The following SLC14A2 variants were observed in gnomAD, a reference collection of about 807,000 sequenced individuals.
SLC14A2 encodes the protein urea transporter 2.
In SLC14A2, 91 loss-of-function variants were observed where a neutral mutation model predicts 104.6. The observed-to-expected ratio is 0.87, with a 90% CI of 0.73 to 1.04. SLC14A2 has a LOEUF of 1.04. Ranked by LOEUF, SLC14A2 falls within the 50% of genes least tolerant of loss-of-function variation. The pLI, the probability that SLC14A2 is intolerant of heterozygous loss-of-function variation, is 0.00. For synonymous variants in SLC14A2, 476 were observed against 466.4 expected, an observed-to-expected ratio of 1.02 and a Z score of -0.27; for missense variants, 1,189 against 1,156.0, an observed-to-expected ratio of 1.03 and a Z score of -0.41.
chr18:45,390,959 A>G (rs1378667770), intron 1 of SLC14A2, among the ~76,000 whole-genome samples: 1 of 152,194 alleles, frequency 6.6e-6, no homozygotes. Flanking sequence ...TTTAAGTTTT[A>G]GGGTACATGT....
chr18:45,400,028 T>C (rs970638512), intron 1 of SLC14A2, among the ~76,000 whole-genome samples: 8 of 152,198 alleles, frequency 5.3e-5, no homozygotes, highest in Non-Finnish European at 8.8e-5. Flanking sequence ...CTGGCAATTG[T>C]TAAAGCATGG....
At chr18:45,199,756 G>C in the SLC14A2 span, among the ~76,000 whole-genome samples, 5 of 152,116 alleles carry the variant, frequency 3.3e-5, no homozygotes, top group Non-Finnish European at 7.3e-5. Context: ...TATATTAGCA[G>C]CTAAGCTGAA....
At chr18:45,556,277 G>C (rs2044132139) in intron 2 of SLC14A2, among the ~76,000 whole-genome samples, 1 of 152,130 alleles carries the variant, frequency 6.6e-6, no homozygotes, top group African/African-American at 2.4e-5. Context: ...AACACAACAT[G>C]CAGACCACAG....
At chr18:45,405,638 C>T (rs1037658292) in intron 1 of SLC14A2, among the ~76,000 whole-genome samples, 14 of 152,162 alleles carry the variant, frequency 9.2e-5, no homozygotes, top group South Asian at 6.2e-4. Context: ...TGTGGTGGCT[C>T]TTGCCTGTAA....
chr18:45,181,815 CTG>C, the SLC14A2 span, among the ~76,000 whole-genome samples: 1 of 152,056 alleles, frequency 6.6e-6, no homozygotes, highest in Non-Finnish European at 1.5e-5. Context: ...TTTAATATAT[CTG>C]TGCGACTCTT....
At chr18:45,357,237 ATTTT>A (rs56321113) in intron 1 of SLC14A2, among the ~76,000 whole-genome samples, 1 of 126,468 alleles carries the variant, frequency 7.9e-6, no homozygotes, top group African/African-American at 3.2e-5. Context: ...TTGGGACACA[ATTTT>A]TTTTTTTTTT....
At chr18:45,406,968 G>A (rs981869586) in intron 1 of SLC14A2, among the ~76,000 whole-genome samples, 5 of 152,078 alleles carry the variant, frequency 3.3e-5, no homozygotes, top group East Asian at 1.9e-4. Flanking sequence ...ATTCTTAAGG[G>A]CCCTGGGATT....
intron 1 of SLC14A2, among the ~76,000 whole-genome samples, chr18:45,302,969 A>G (rs1423440029): frequency 6.6e-6 from 1 of 152,170 alleles, no homozygotes; most frequent in Admixed American, 6.6e-5. Flanking sequence ...ACAGATGACA[A>G]AGCCAGGGTC....
intron 2 of SLC14A2, chr18:45,483,603 G>T (rs1393162284): frequency 6.6e-6 from 1 of 152,142 alleles, no homozygotes; most frequent in African/African-American, 2.4e-5. Context: ...TAGATGAACA[G>T]ATCTGACACT....
intron 2 of SLC14A2, among the ~76,000 whole-genome samples, chr18:45,537,759 C>G (rs1262211193): frequency 1.3e-5 from 2 of 152,148 alleles, no homozygotes; most frequent in Admixed American, 6.5e-5. Flanking sequence ...AAGCTGGTAG[C>G]AAGCATCCAG....
intron 1 of SLC14A2, among the ~76,000 whole-genome samples, chr18:45,393,383 A>G (rs1192046630): frequency 6.6e-6 from 1 of 152,162 alleles, no homozygotes; most frequent in Non-Finnish European, 1.5e-5. Context: ...CATTCCCTTG[A>G]TCAAAGCCTT....
chr18:45,590,431 G>A lies in SLC14A2; in HGVS notation c.-34-34200G>A, dbSNP rs533137669. Among the ~76,000 whole-genome samples, 92 of 152,244 alleles carry A rather than the reference G, an allele frequency of 6.0e-4. 1 individual carries two copies. Among genetic ancestry groups the A allele is most frequent in the Non-Finnish European group, 1.0e-3 (68 of 68,024 alleles). ...TTCCCACTGGACTATAATTCACATC[G>A]TAAAACTATTGCATGTTTATTTTCA... On this transcript the variant is annotated intron_variant, in intron 2 of 20. Coordinates refer to the SLC14A2 transcript ENST00000586448.
At chr18:45,407,177 C>A (rs1476842466) in intron 1 of SLC14A2, among the ~76,000 whole-genome samples, 1 of 152,148 alleles carries the variant, frequency 6.6e-6, no homozygotes, top group Non-Finnish European at 1.5e-5. Flanking sequence ...AGTGTATCCA[C>A]CTTCATCAAT....
chr18:45,254,535 T>A (rs1568122732), intron 1 of SLC14A2, among the ~76,000 whole-genome samples: 1 of 152,178 alleles, frequency 6.6e-6, no homozygotes, highest in Non-Finnish European at 1.5e-5. Context: ...TTGGTGAAGA[T>A]TTTTGCTTCC....
chr18:45,248,617 T>C (rs1306976854), intron 1 of SLC14A2, among the ~76,000 whole-genome samples: 1 of 152,196 alleles, frequency 6.6e-6, no homozygotes, highest in Non-Finnish European at 1.5e-5. Context: ...TCAGACTATT[T>C]TAATGGCATG....
At chr18:45,252,402 A>T (rs762294199) in intron 1 of SLC14A2, among the ~76,000 whole-genome samples, 9 of 152,228 alleles carry the variant, frequency 5.9e-5, no homozygotes, top group Non-Finnish European at 8.8e-5. Context: ...GGTGTCCCTC[A>T]GGGTTCCCCA....
At chr18:45,560,037 G>A (rs1046633160) in intron 2 of SLC14A2, among the ~76,000 whole-genome samples, 3 of 152,166 alleles carry the variant, frequency 2.0e-5, no homozygotes, top group Non-Finnish European at 2.9e-5. Context: ...CGTTGCCCTG[G>A]ACCTCTGGAC....
chr18:45,516,874 G>T (rs922495579), intron 2 of SLC14A2, among the ~76,000 whole-genome samples: 14 of 152,260 alleles, frequency 9.2e-5, no homozygotes, highest in Non-Finnish European at 1.8e-4. Flanking sequence ...GCTCTGTGAA[G>T]AAATAGATCA....
intron 1 of SLC14A2, among the ~76,000 whole-genome samples, chr18:45,263,697 G>T (rs1040800565): frequency 2.0e-5 from 3 of 152,172 alleles, no homozygotes; most frequent in Admixed American, 6.5e-5. Context: ...TAGACTCATG[G>T]ATATTTATTG....
Sources: allele counts gnomAD v4.1 joint callset (sites outside exome capture counted in the v4.1 genomes callset), GRCh38; gene constraint gnomAD v4.1.1; transcripts MANE v1.5; gene names NCBI Gene and HGNC (gene_info 2026-07-23, HGNC 2026-07-21).